The following C12orf43 variants were observed in gnomAD, a reference collection of about 807,000 sequenced individuals.
The protein encoded by C12orf43 is chromosome 12 open reading frame 43.
Under a neutral mutation model 20.6 loss-of-function variants are expected in C12orf43, and 15 were observed. That is an observed-to-expected ratio of 0.73 (90% CI 0.49 to 1.12). The LOEUF (loss-of-function observed/expected upper bound fraction) is 1.12. Among genes scored for constraint, C12orf43 ranks in the 50% most tolerant of loss-of-function variants. The pLI, the probability that C12orf43 is intolerant of heterozygous loss-of-function variation, is 0.00. For missense variants in C12orf43, 334 were observed against 344.4 expected, an observed-to-expected ratio of 0.97 and a Z score of 0.24; for synonymous variants, 144 against 130.8, an observed-to-expected ratio of 1.10 and a Z score of -0.69.
chr12:121,001,655 C>A lies in C12orf43; in HGVS notation c.*2498G>T. ...GGATCAGCGTGGCCTTGTTCTGTCA[C>A]CAATGTACCCACCGGGCCACTCCTT... On this transcript the variant is annotated 3_prime_UTR_variant, in exon 6 of 6. Coordinates refer to ENST00000288757, the MANE Select transcript of C12orf43 (RefSeq NM_022895.3). 2.2e-6 allele frequency: 1 copy of A among 456,370 alleles called. No homozygotes were observed. The highest frequency in any genetic ancestry group is 1.9e-5 in the South Asian group (1 of 51,586). 28.3% of individuals were successfully genotyped at this position (456,370 alleles called of 1,614,324 possible). A position where few individuals can be genotyped will look rare whatever the true frequency, so the allele number is the denominator to read the frequency against.
rs1877685798 is a variant in C12orf43, at chr12:121,003,390, C to T, written c.*763G>A. The T allele has an allele frequency of 6.6e-6, 1 of 152,252 alleles. No individual in the cohort carries two copies. The highest frequency in any genetic ancestry group is 6.5e-5 in the Admixed American group (1 of 15,280). The allele number at this position is 152,252 out of a possible 1,614,324, so 9.4% of individuals were successfully genotyped here. Reference sequence around the variant, plus strand: ...AACCTAGTCCACGAGTGCTATGACACTTCCTGAAGTCTTGGGTGGGGTGAA... The same window carrying T: ...AACCTAGTCCACGAGTGCTATGACATTTCCTGAAGTCTTGGGTGGGGTGAA... On this transcript the variant is annotated 3_prime_UTR_variant, in exon 6 of 6. Coordinates refer to ENST00000288757, the MANE Select transcript of C12orf43 (RefSeq NM_022895.3).
At position 121,005,396 on chromosome 12, in the gene C12orf43, C is replaced by G. The variant is rs1179732083; in HGVS notation, c.362-303G>C. ...GTGCTGAAGCTGCCCCGCCTCTGCCCTCAGGAGCTCCTGGTCCAGAGGCAA... is the reference window on the plus strand; with the variant it reads ...GTGCTGAAGCTGCCCCGCCTCTGCCGTCAGGAGCTCCTGGTCCAGAGGCAA... On this transcript the variant is annotated intron_variant, in intron 4 of 5. Transcript: ENST00000288757. This position sits in a 1 kb window ranked among gnomAD's most constrained non-coding sequence, Gnocchi z 5.6. Among the ~76,000 whole-genome samples, 1 of 152,204 alleles carries G rather than the reference C, an allele frequency of 6.6e-6. No individual in the cohort carries two copies.
At position 121,002,428 on chromosome 12, in the gene C12orf43, G is replaced by A. The variant is rs777341934; in HGVS notation, c.*1725C>T. On this transcript the variant is annotated 3_prime_UTR_variant, in exon 6 of 6. Coordinates refer to ENST00000288757, the MANE Select transcript of C12orf43 (RefSeq NM_022895.3). ...TTCAGGAAAAGGCCTGGGGTGACCC[G>A]GCACCCCCTGCAGCTTGTAGCCAGC... 7.0e-5 allele frequency: 37 copies of A among 531,404 alleles called. No individual in the cohort carries two copies. Among genetic ancestry groups the A allele is most frequent in the South Asian group, 1.7e-4 (11 of 65,136 alleles). The allele number at this position is 531,404 out of a possible 1,614,324, so 32.9% of individuals were successfully genotyped here. A position where few individuals can be genotyped will look rare whatever the true frequency, so the allele number is the denominator to read the frequency against.
intron 1 of C12orf43, among the ~76,000 whole-genome samples, chr12:121,015,103 C>A (rs1339664785): frequency 2.0e-5 from 3 of 152,150 alleles, no homozygotes; most frequent in Middle Eastern, 3.2e-3. Flanking sequence ...ACTTCTCAAC[C>A]TTATGGGGTG....
At chr12:121,010,784 C>T in intron 3 of C12orf43, 44 bp downstream of exon 3, 1 of 1,481,788 alleles carries the variant, frequency 6.7e-7, no homozygotes, top group African/African-American at 1.4e-5. Context: ...CATTGCTGTT[C>T]ATATTAACAA....
chr12:121,004,255 G>A lies in C12orf43; in HGVS notation c.687C>T (p.Asp229=), dbSNP rs761598475. ...TCTTTTTGGTCCCAAGCGACACCTG[G>A]TCCCCGTTGAGCTCACCTGACTTCT... ...QKQKSGELNG[D]QVSLGTKKKK... is the part of the protein sequence containing the mutation. The change falls in exon 6 of 6, where the codon GAC becomes GAT. Residue 229 remains aspartate (D), a synonymous_variant. Transcript: ENST00000288757. The surrounding 1 kb of genome is among the most constrained non-coding windows in gnomAD (Gnocchi z 5.6). 12 of 1,614,072 alleles carry A rather than the reference G, an allele frequency of 7.4e-6. No individual in the cohort carries two copies. The highest frequency in any genetic ancestry group is 5.0e-5 in the Admixed American group (3 of 60,000).
intron 1 of C12orf43, 168 bp downstream of exon 1, chr12:121,016,162 T>A (rs1390650233): frequency 1.8e-5 from 18 of 1,011,118 alleles, no homozygotes; most frequent in Non-Finnish European, 2.5e-5. Context: ...TGAAATACCC[T>A]CCCTACTGCA....
chr12:121,008,877 C>CA (rs1443549765), intron 3 of C12orf43, among the ~76,000 whole-genome samples: 1 of 152,204 alleles, frequency 6.6e-6, no homozygotes, highest in Non-Finnish European at 1.5e-5. Context: ...ACCTGTTCCG[C>CA]AGGTTGTTGA....
intron 1 of C12orf43, chr12:121,012,566 G>T: frequency 1.4e-6 from 1 of 690,452 alleles, no homozygotes; most frequent in Admixed American, 2.0e-5. Flanking sequence ...TTAAGATGGA[G>T]TCAAGGCCGG....
intron 1 of C12orf43, among the ~76,000 whole-genome samples, chr12:121,014,979 G>A (rs949247460): frequency 2.0e-5 from 3 of 152,098 alleles, no homozygotes; most frequent in African/African-American, 4.8e-5. Flanking sequence ...AAAAAAGAGC[G>A]AGAATTAGGC....
rs369855890 is a variant in C12orf43, at chr12:121,013,138, T to C, written c.146-1992A>G. Among the ~76,000 whole-genome samples, 25 of 152,322 alleles carry C rather than the reference T, an allele frequency of 1.6e-4. 2 individuals are homozygous for C. The highest frequency in any genetic ancestry group is 5.3e-4 in the African/African-American group (22 of 41,570). ...CCTAGTACCTTGTGGTCTGTGTCAC[T>C]GTACTCCAGAGCACAACACAGAATG... is the stretch of plus-strand genomic sequence containing the variant. On this transcript the variant is annotated intron_variant, in intron 1 of 5. Transcript: ENST00000288757.
chr12:121,004,993 G>T lies in C12orf43; in HGVS notation c.452+10C>A. ...AAGGAGGGGACGTGAGGAGAGGTGT[G>T]AGTTCTCACCTGGAGCTGGAGGGCT... On this transcript the variant is annotated intron_variant, in intron 5 of 5. Coordinates refer to ENST00000288757, the MANE Select transcript of C12orf43 (RefSeq NM_022895.3). The surrounding 1 kb of genome is among the most constrained non-coding windows in gnomAD (Gnocchi z 5.6). 2 of 1,527,574 alleles carry T rather than the reference G, an allele frequency of 1.3e-6. No homozygotes were observed. The highest frequency in any genetic ancestry group is 2.3e-5 in the Admixed American group (1 of 43,878). The allele number at this position is 1,527,574 out of a possible 1,614,324, so 94.6% of individuals were successfully genotyped here.
At position 121,004,297 on chromosome 12, in the gene C12orf43, C is replaced by T. The variant is rs1387269031; in HGVS notation, c.645G>A (p.Met215Ile). 1 of 1,614,122 alleles carries T rather than the reference C, an allele frequency of 6.2e-7. No individual in the cohort carries two copies. The highest frequency in any genetic ancestry group is 8.5e-7 in the Non-Finnish European group (1 of 1,180,060). The change falls in exon 6 of 6, where the codon ATG (methionine) becomes ATA (isoleucine). Residue 215 changes from methionine (M) to isoleucine (I), a missense_variant. Physicochemically the swap from Met to Ile is conservative, Grantham distance 10. Coordinates refer to ENST00000288757, the MANE Select transcript of C12orf43 (RefSeq NM_022895.3). This position sits in a 1 kb window ranked among gnomAD's most constrained non-coding sequence, Gnocchi z 5.6. ...CTGACTTCTGCTTCTGGACTGTGGC[C>T]ATGCTGGTGGGGGTGGTGGCAGCGA... ...SAVAATTPTS[M>I]ATVQKQKSGE...
Position 121,016,361 on chromosome 12 carries a change from T to G in C12orf43, c.114A>C (p.Gln38His). 6.2e-7 allele frequency: 1 copy of G among 1,613,812 alleles called. No individual in the cohort carries two copies. Among genetic ancestry groups the G allele is most frequent in the Non-Finnish European group, 8.5e-7 (1 of 1,180,040 alleles). ...TTGGCTTCCCTGCCACGTGCGGGCG[T>G]TGCTCCAAGCCCCAAGCCGGCATTG... is the stretch of plus-strand genomic sequence containing the variant. ...EAAMPAWGLEQRPHVAGKPRA... is the reference protein window; with the variant it reads ...EAAMPAWGLEHRPHVAGKPRA... The change falls in exon 1 of 6, where the codon CAA (glutamine) becomes CAC (histidine). Residue 38 changes from glutamine to histidine, a missense_variant. Gln to His is a conservative substitution (Grantham distance 24, BLOSUM62 0). Coordinates refer to ENST00000288757, the MANE Select transcript of C12orf43 (RefSeq NM_022895.3).
In C12orf43 at chr12:121,000,906, G is replaced by GTT. The variant is rs3999412; in HGVS notation, c.*3246_*3247insAA. ...GGACCCTGGCTGGGAGGCTCCCTTT[G>GTT]AAGAACCGAGGGTAGAGGTGTGACT... On this transcript the variant is annotated 3_prime_UTR_variant, in exon 6 of 6. Transcript: ENST00000288757. The GTT allele has an allele frequency of 0.8, 820,637 of 1,029,256 alleles. 330,761 individuals are homozygous for GTT. Among genetic ancestry groups the GTT allele is most frequent in the Admixed American group, 0.9 (45,341 of 50,530 alleles). The allele number at this position is 1,029,256 out of a possible 1,614,324, so 63.8% of individuals were successfully genotyped here. A position where few individuals can be genotyped will look rare whatever the true frequency, so the allele number is the denominator to read the frequency against.
At chr12:121,012,326 C>CA in intron 1 of C12orf43, 2 of 697,280 alleles carry the variant, frequency 2.9e-6, no homozygotes, top group South Asian at 3.0e-5. Context: ...ATGGAGAACT[C>CA]AGAGGGGCCA....
In C12orf43 at chr12:121,004,057, T is replaced by G. The variant is rs1877751047; in HGVS notation, c.*96A>C. 7.4e-7 allele frequency: 1 copy of G among 1,360,394 alleles called. No individual in the cohort carries two copies. The highest frequency in any genetic ancestry group is 1.4e-5 in the African/African-American group (1 of 69,882). The allele number at this position is 1,360,394 out of a possible 1,614,324, so 84.3% of individuals were successfully genotyped here. ...GGGTTTGCCAGCCCAGTCCTTGAAC[T>G]TGGAGAGGGAGGTGGGGCTTGGAAA... is the stretch of plus-strand genomic sequence containing the variant. On this transcript the variant is annotated 3_prime_UTR_variant, in exon 6 of 6. Transcript: ENST00000288757. This position sits in a 1 kb window ranked among gnomAD's most constrained non-coding sequence, Gnocchi z 5.6.
At chr12:121,015,187 C>T (rs1341372130) in intron 1 of C12orf43, among the ~76,000 whole-genome samples, 1 of 152,070 alleles carries the variant, frequency 6.6e-6, no homozygotes, top group Non-Finnish European at 1.5e-5. Flanking sequence ...TGCTCAAGTT[C>T]CCACCGCTAA....
chr12:121,004,612 G>T lies in C12orf43; in HGVS notation c.453-123C>A. ...GGCCGCAGAGAGAGGCAGGTAGTGA[G>T]TTCAGGCTTGGGAGTGAGGCCAACC... On this transcript the variant is annotated intron_variant, in intron 5 of 5. Transcript: ENST00000288757. This position sits in a 1 kb window ranked among gnomAD's most constrained non-coding sequence, Gnocchi z 5.6. 1.9e-6 allele frequency: 2 copies of T among 1,075,578 alleles called. No individual in the cohort carries two copies. Among genetic ancestry groups the T allele is most frequent in the Non-Finnish European group, 2.6e-6 (2 of 754,748 alleles). The allele number at this position is 1,075,578 out of a possible 1,614,324, so 66.6% of individuals were successfully genotyped here.
Sources: gnomAD v4.1 joint callset for allele counts (sites outside exome capture counted in the v4.1 genomes callset) on GRCh38, gnomAD v4.1.1 for gene constraint, Gnocchi (gnomAD v3.1) non-coding constraint, MANE v1.5 for transcripts, NCBI Gene and HGNC (gene_info 2026-07-23, HGNC 2026-07-21) for gene names.